Variants in TOM1L1 observed in about 807,000 individuals in gnomAD.
The protein encoded by TOM1L1 is TOM1-like protein 1.
In TOM1L1, 64 loss-of-function variants were observed where a neutral mutation model predicts 63.4. The observed-to-expected ratio is 1.01, with a 90% CI of 0.83 to 1.24. The LOEUF is 1.24. TOM1L1 is among the 50% of genes most tolerant of loss of function. The pLI is 0.00. For missense variants in TOM1L1, 536 were observed against 567.0 expected (o/e 0.95, Z 0.55); for synonymous variants, 166 against 194.4 (o/e 0.85, Z 1.22).
At chr17:54,959,035 T>C (rs1029410224) in intron 14 of TOM1L1, among the ~76,000 whole-genome samples, 2 of 152,202 alleles carry the variant, frequency 1.3e-5, no homozygotes, top group African/African-American at 4.8e-5. Context: ...GAAGTTTCCA[T>C]ATCAAGACAT....
Position 54,938,996 on chromosome 17 carries a change from C to T in TOM1L1, c.1106C>T (p.Ala369Val), listed in dbSNP as rs776813107. Residue 369 changes from alanine to valine, a missense_variant, in exon 11 of 16, where the codon GCC becomes GTC. Coordinates refer to ENST00000575882, the MANE Select transcript of TOM1L1 (RefSeq NM_005486.3). The stretch of plus-strand genomic sequence containing the variant: ...CTTCATCCACAGATGAACTTGCTAG[C>T]CTTGGAGAATACAGAGATACCCCCG... ...PSLHPQMNLLALENTEIPPFA... is the reference protein window; with the variant it reads ...PSLHPQMNLLVLENTEIPPFA... The T allele has an allele frequency of 7.4e-6, 12 of 1,611,184 alleles. No homozygotes were observed. The highest frequency in any genetic ancestry group is 1.0e-5 in the Non-Finnish European group (12 of 1,177,844).
intron 9 of TOM1L1, 81 bp downstream of exon 9, chr17:54,936,790 G>C: frequency 5.6e-6 from 7 of 1,255,220 alleles, no homozygotes; most frequent in Middle Eastern, 2.1e-4. Flanking sequence ...CCTAAAACAA[G>C]TCTTAAAAAG....
rs200820666 is a variant in TOM1L1 at position 54,913,807 on chromosome 17, C to T, written c.432C>T (p.Leu144=). ...VDVSEVKEVY[L]DLVKKGVQFP... ...TAAGCGAAGTCAAAGAAGTATACCT[C>T]GACCTGGTTAAGAAAGGCGTTCAGT... The change falls in exon 5 of 16, where the codon CTC becomes CTT. Residue 144 remains leucine, a synonymous_variant. Coordinates refer to ENST00000575882, the MANE Select transcript of TOM1L1 (RefSeq NM_005486.3). 105 of 1,612,394 alleles carry T rather than the reference C, an allele frequency of 6.5e-5. No homozygotes were observed. The highest frequency in any genetic ancestry group is 8.4e-5 in the Non-Finnish European group (99 of 1,179,070).
intron 10 of TOM1L1, among the ~76,000 whole-genome samples, chr17:54,938,217 G>T (rs1322626945): frequency 6.6e-6 from 1 of 152,162 alleles, no homozygotes; most frequent in Non-Finnish European, 1.5e-5. Context: ...CTGGAGGCCA[G>T]GCATAGTGGC....
chr17:54,943,443 T>G (rs1439961657), intron 11 of TOM1L1, among the ~76,000 whole-genome samples: 2 of 133,750 alleles, frequency 1.5e-5, no homozygotes, highest in Non-Finnish European at 1.6e-5. Context: ...TGTATAATGG[T>G]GTGTGTGTGT....
At chr17:54,947,130 T>C (rs1232983421) in intron 11 of TOM1L1, 131 bp from the exon 12 acceptor site, 1 of 816,208 alleles carries the variant, frequency 1.2e-6, no homozygotes, top group Non-Finnish European at 2.0e-6. Context: ...TAAACAGTTA[T>C]TACAAAATGA....
Position 54,900,923 on chromosome 17 carries a change from G to C in TOM1L1, c.58G>C (p.Glu20Gln). 1 of 1,613,940 alleles carries C rather than the reference G, an allele frequency of 6.2e-7. No individual in the cohort carries two copies. Among genetic ancestry groups the C allele is most frequent in the Non-Finnish European group, 8.5e-7 (1 of 1,180,038 alleles). The change falls in exon 1 of 16, where the codon GAA becomes CAA. Residue 20 changes from glutamate to glutamine, a missense_variant and splice_region_variant. Coordinates refer to ENST00000575882, the MANE Select transcript of TOM1L1 (RefSeq NM_005486.3). ...PYATSVGHLI[E>Q]KATFAGVQTE... ...CGCGACCTCCGTGGGCCACCTCATAGGTAAGGAGGCGCGGGGAGAGACGCC... is the reference window on the plus strand; with the variant it reads ...CGCGACCTCCGTGGGCCACCTCATACGTAAGGAGGCGCGGGGAGAGACGCC...
intron 14 of TOM1L1, among the ~76,000 whole-genome samples, chr17:54,951,110 T>C (rs2049222028): frequency 6.6e-6 from 1 of 152,224 alleles, no homozygotes. Context: ...TAGGACTGAC[T>C]GGCTTCAAGT....
intron 12 of TOM1L1, among the ~76,000 whole-genome samples, chr17:54,948,517 C>G (rs371721414): frequency 3.3e-5 from 5 of 152,192 alleles, no homozygotes; most frequent in African/African-American, 1.2e-4. Flanking sequence ...ACAAGACTCA[C>G]TTTAGTCAGG....
chr17:54,941,482 T>C (rs560863328), intron 11 of TOM1L1, among the ~76,000 whole-genome samples: 1 of 152,312 alleles, frequency 6.6e-6, no homozygotes, highest in African/African-American at 2.4e-5. Context: ...ACCTCTTGTT[T>C]TGGCTACATG....
rs1229080188 is a variant in TOM1L1, at chr17:54,903,720, T to A, written c.71T>A (p.Phe24Tyr). The A allele has an allele frequency of 3.1e-6, 5 of 1,614,170 alleles. No individual in the cohort carries two copies. The highest frequency in any genetic ancestry group is 1.6e-4 in the Middle Eastern group (1 of 6,062). ...TTTTTCTTGGCAGAAAAGGCTACAT[T>A]TGCTGGAGTTCAGACTGAAGATTGG... ...SVGHLIEKAT[F>Y]AGVQTEDWGQ... The change falls in exon 2 of 16, where the codon TTT becomes TAT. Residue 24 changes from phenylalanine (F) to tyrosine (Y), a missense_variant. Coordinates refer to ENST00000575882, the MANE Select transcript of TOM1L1 (RefSeq NM_005486.3).
intron 14 of TOM1L1, chr17:54,955,115 T>A (rs2049430328): frequency 6.6e-6 from 1 of 152,180 alleles, no homozygotes; most frequent in South Asian, 2.1e-4. Context: ...ACTCTGGAGA[T>A]TAATGATGAC....
In TOM1L1 at chr17:54,913,737, C is replaced by T. The variant is rs376539699; in HGVS notation, c.373-11C>T. The stretch of plus-strand genomic sequence containing the variant: ...TTTAACTCTGGAACTTTTTTCATCT[C>T]TTGAATTCAGACTTGGTCACAGGGC... On this transcript the variant is annotated splice_polypyrimidine_tract_variant and intron_variant, in intron 4 of 15. Transcript: ENST00000575882. 1.3e-6 allele frequency: 2 copies of T among 1,580,128 alleles called. No individual in the cohort carries two copies. Among genetic ancestry groups the T allele is most frequent in the Admixed American group, 1.8e-5 (1 of 56,870 alleles).
At chr17:54,913,949 C>T in intron 5 of TOM1L1, 76 bp downstream of exon 5, 2 of 1,459,004 alleles carry the variant, frequency 1.4e-6, no homozygotes, top group Admixed American at 4.6e-5. Context: ...AGGAGACAAC[C>T]CTAAATCCAC....
At chr17:54,903,853 G>A (rs754257253) in intron 2 of TOM1L1, 61 bp downstream of exon 2, 27 of 1,428,986 alleles carry the variant, frequency 1.9e-5, no homozygotes, top group Admixed American at 3.7e-5. Flanking sequence ...ACTACAGCAC[G>A]TTTTCTCTTG....
rs768576388 is a variant in TOM1L1 at position 54,914,698 on chromosome 17, T to C, written c.558T>C (p.Ser186=). 2.5e-6 allele frequency: 4 copies of C among 1,614,042 alleles called. No homozygotes were observed. ...TCCCTACTGCACCAGCTCTTTCTTC[T>C]GTAATTGCTCCAAAGAACTCGACTG... is the stretch of plus-strand genomic sequence containing the variant. ...TSVPTAPALS[S]VIAPKNSTVT... is the part of the protein sequence containing the mutation. Residue 186 remains serine, a synonymous_variant, in exon 6 of 16, where the codon TCT becomes TCC. Coordinates refer to ENST00000575882, the MANE Select transcript of TOM1L1 (RefSeq NM_005486.3).
chr17:54,903,568 C>A (rs1395848633), intron 1 of TOM1L1, 140 bp from the exon 2 acceptor site: 8 of 731,766 alleles, frequency 1.1e-5, no homozygotes, highest in Non-Finnish European at 1.9e-5. Context: ...TTACTGAGAA[C>A]TGTTCCAAAA....
chr17:54,928,284 TG>T (rs1159088101), intron 7 of TOM1L1, among the ~76,000 whole-genome samples: 6 of 151,940 alleles, frequency 3.9e-5, no homozygotes, highest in African/African-American at 1.5e-4. Flanking sequence ...CCAGACACTG[TG>T]GGGTTTCAAT....
At chr17:54,949,491 T>C (rs1207585768) in intron 12 of TOM1L1, 27 bp from the exon 13 acceptor site, 1 of 1,552,082 alleles carries the variant, frequency 6.4e-7, no homozygotes, top group Non-Finnish European at 8.9e-7. Context: ...AGAACGTTTA[T>C]ATGAACATGT....
Sources: gnomAD v4.1 joint callset for allele counts (sites outside exome capture counted in the v4.1 genomes callset) on GRCh38, gnomAD v4.1.1 for gene constraint, MANE v1.5 for transcripts, NCBI Gene and HGNC (gene_info 2026-07-23, HGNC 2026-07-21) for gene names.